The following HPSE2 variants were observed in gnomAD, a reference collection of about 807,000 sequenced individuals.
HPSE2 encodes the protein heparanase 2 (inactive), also known as inactive heparanase-2.
A neutral mutation model predicts 60.5 loss-of-function variants in HPSE2; 38 were observed. That is an observed-to-expected ratio of 0.63 (90% confidence interval 0.48 to 0.82). The LOEUF (loss-of-function observed/expected upper bound fraction) is 0.82. HPSE2 is among the 40% of genes least tolerant of loss of function. HPSE2 has a pLI of 0.00. For missense variants in HPSE2, 713 were observed against 740.4 expected (o/e 0.96, Z 0.43); for synonymous variants, 295 against 293.2 (o/e 1.01, Z -0.06).
At chr10:98,581,621 C>T (rs1017054604) in intron 9 of HPSE2, among the ~76,000 whole-genome samples, 9 of 152,156 alleles carry the variant, frequency 5.9e-5, no homozygotes, top group Non-Finnish European at 8.8e-5. Flanking sequence ...TGGCATCCCA[C>T]GTGTAGGGTA....
At chr10:98,719,553 T>C (rs1948870095) in intron 5 of HPSE2, among the ~76,000 whole-genome samples, 1 of 151,690 alleles carries the variant, frequency 6.6e-6, no homozygotes, top group South Asian at 2.1e-4. Flanking sequence ...AAATTTACTG[T>C]ACTTTGATGT....
chr10:98,887,999 A>C (rs1953217029), intron 3 of HPSE2, among the ~76,000 whole-genome samples: 1 of 151,966 alleles, frequency 6.6e-6, no homozygotes, highest in African/African-American at 2.4e-5. Context: ...TTGATAGCAC[A>C]ATAATGTGAC....
chr10:98,769,633 T>G (rs1327392582), intron 3 of HPSE2, among the ~76,000 whole-genome samples: 1 of 152,112 alleles, frequency 6.6e-6, no homozygotes, highest in Non-Finnish European at 1.5e-5. Flanking sequence ...ATGGGGCCTC[T>G]CTCCAAATAT....
chr10:99,272,012 C>T, the HPSE2 span, among the ~76,000 whole-genome samples: 1 of 152,188 alleles, frequency 6.6e-6, no homozygotes, highest in African/African-American at 2.4e-5. Context: ...GTGGCTCACG[C>T]CTGTAATCCC....
chr10:98,669,176 A>G (rs904743588), intron 6 of HPSE2, among the ~76,000 whole-genome samples: 9 of 152,228 alleles, frequency 5.9e-5, no homozygotes, highest in African/African-American at 2.2e-4. Context: ...AATCAAAACC[A>G]CAATAAGATG....
chr10:99,015,887 G>T (rs1056935925), intron 3 of HPSE2, among the ~76,000 whole-genome samples: 4 of 152,170 alleles, frequency 2.6e-5, no homozygotes, highest in South Asian at 2.1e-4. Flanking sequence ...CTTTTTTATG[G>T]GCTTGTTTTT....
intron 3 of HPSE2, among the ~76,000 whole-genome samples, chr10:98,828,619 T>C (rs1396763052): frequency 6.6e-6 from 1 of 152,194 alleles, no homozygotes; most frequent in African/African-American, 2.4e-5. Flanking sequence ...TCACTAATCA[T>C]TCAGGAAATG....
chr10:99,019,797 C>T (rs1957221723), intron 3 of HPSE2, among the ~76,000 whole-genome samples: 1 of 151,444 alleles, frequency 6.6e-6, no homozygotes, highest in African/African-American at 2.4e-5. Context: ...GCAACCTCTG[C>T]CCCCCAGATT....
chr10:98,461,777 CT>C, intron 11 of HPSE2: 1 of 1,589,446 alleles, frequency 6.3e-7, no homozygotes, highest in Admixed American at 1.8e-5. Context: ...AGGTAATGCC[CT>C]TTTAGATTCA....
intron 3 of HPSE2, among the ~76,000 whole-genome samples, chr10:98,986,220 A>G (rs1956344383): frequency 6.6e-6 from 1 of 152,186 alleles, no homozygotes; most frequent in Non-Finnish European, 1.5e-5. Context: ...CACCTATTCC[A>G]AAACTGACCA....
chr10:98,499,821 GA>G (rs1160538819), intron 9 of HPSE2, among the ~76,000 whole-genome samples: 6 of 152,126 alleles, frequency 3.9e-5, no homozygotes, highest in African/African-American at 1.4e-4. Context: ...TAAAGGGGTG[GA>G]AAAAGGCATT....
At position 98,892,581 on chromosome 10, in the gene HPSE2, T is replaced by G. The variant is rs140771035; in HGVS notation, c.611-148525A>C. On this transcript the variant is annotated intron_variant, in intron 3 of 11. Transcript: ENST00000370552. ...AAGCAGAACTCTCTATTATCCTTTA[T>G]AGATCTCTTTAGGAACAAAAAAGAT... Among the ~76,000 whole-genome samples the G allele has an allele frequency of 6.9e-4, 105 of 152,306 alleles. 1 individual carries two copies. The highest frequency in any genetic ancestry group is 2.5e-3 in the African/African-American group (102 of 41,574).
chr10:99,092,985 C>G (rs575138837), intron 3 of HPSE2, among the ~76,000 whole-genome samples: 19 of 152,272 alleles, frequency 1.2e-4, no homozygotes, highest in Admixed American at 1.0e-3. Flanking sequence ...AATCACAGCA[C>G]TTTGGAGGTC....
the HPSE2 span, among the ~76,000 whole-genome samples, chr10:99,256,690 G>T: frequency 6.6e-6 from 1 of 152,102 alleles, no homozygotes; most frequent in Non-Finnish European, 1.5e-5. Flanking sequence ...CAAACAACAT[G>T]AATGTCTTTA....
chr10:99,042,832 C>T (rs972337969), intron 3 of HPSE2, among the ~76,000 whole-genome samples: 1 of 152,128 alleles, frequency 6.6e-6, no homozygotes, highest in Non-Finnish European at 1.5e-5. Context: ...CTCCACACTG[C>T]AATACAGAGC....
chr10:99,199,099 T>C (rs554459443), intron 2 of HPSE2, among the ~76,000 whole-genome samples: 24 of 152,312 alleles, frequency 1.6e-4, no homozygotes, highest in Non-Finnish European at 2.5e-4. Flanking sequence ...CAATGGACAT[T>C]TAGGTTGTTT....
rs572996549 is a variant in HPSE2, at chr10:98,985,369, G to T, written c.610+158869C>A. Among the ~76,000 whole-genome samples, 5 of 152,272 alleles carry T rather than the reference G, an allele frequency of 3.3e-5. No individual in the cohort carries two copies. The South Asian group carries it at 1.0e-3, about 32-fold the overall frequency. On this transcript the variant is annotated intron_variant, in intron 3 of 11. Transcript: ENST00000370552. ...CTTAAAGAAAAGAATTTTTAACCAAGAATTTCATATCCAGCCAAACTAAGC... is the reference window on the plus strand; with the variant it reads ...CTTAAAGAAAAGAATTTTTAACCAATAATTTCATATCCAGCCAAACTAAGC...
intron 2 of HPSE2, among the ~76,000 whole-genome samples, chr10:99,163,008 G>C (rs1025469586): frequency 6.6e-6 from 1 of 152,112 alleles, no homozygotes; most frequent in African/African-American, 2.4e-5. Flanking sequence ...AGGAGATTGA[G>C]ATCATCCTGG....
At chr10:99,081,029 C>CAG (rs1843116582) in intron 3 of HPSE2, among the ~76,000 whole-genome samples, 1 of 152,146 alleles carries the variant, frequency 6.6e-6, no homozygotes, top group Non-Finnish European at 1.5e-5. Context: ...CTCCTGACCT[C>CAG]GTGATCCACC....
Sources: allele counts gnomAD v4.1 joint callset (sites outside exome capture counted in the v4.1 genomes callset), GRCh38; gene constraint gnomAD v4.1.1; transcripts MANE v1.5; gene names NCBI Gene and HGNC (gene_info 2026-07-23, HGNC 2026-07-21).